ZBTB8A: variants seen among roughly 807,000 people sequenced by gnomAD.
ZBTB8A encodes zinc finger and BTB domain containing 8A, also known as zinc finger and BTB domain-containing protein 8A.
In ZBTB8A, 19 loss-of-function variants were observed where a neutral mutation model predicts 37.8. That is an observed-to-expected ratio of 0.50 (90% CI 0.35 to 0.74). ZBTB8A has a LOEUF of 0.74. Ranked by LOEUF, ZBTB8A falls within the 30% of genes least tolerant of loss-of-function variation. ZBTB8A has a pLI of 0.01. For synonymous variants in ZBTB8A, 181 were observed against 185.2 expected, an observed-to-expected ratio of 0.98 and a Z score of 0.19; for missense variants, 394 against 537.8, an observed-to-expected ratio of 0.73 and a Z score of 2.65.
chr1:32,549,492 CAAA>C (rs796747835), intron 1 of ZBTB8A, among the ~76,000 whole-genome samples: 2 of 110,258 alleles, frequency 1.8e-5, no homozygotes, highest in African/African-American at 3.2e-5. Context: ...AACTCCGTCT[CAAA>C]AAAAAAAAAA....
chr1:32,593,491 C>T lies in ZBTB8A; in HGVS notation c.560C>T (p.Pro187Leu), dbSNP rs1644505860. The change falls in exon 3 of 5, where the codon CCA (proline) becomes CTA (leucine). Residue 187 changes from proline to leucine, a missense_variant. Around this residue, in one of 4 missense-constraint regions of ZBTB8A, gnomAD observed 171 missense variants for 186.8 expected, o/e 0.92. Coordinates refer to ENST00000373510, the MANE Select transcript of ZBTB8A (RefSeq NM_001040441.3). ...GKSWNKYNYH[P>L]ASQKNTQQPL... Reference sequence around the variant, plus strand: ...TCTTGGAATAAGTATAATTATCATCCAGCCTCCCAGAAGAATACTCAACAA... The same window carrying T: ...TCTTGGAATAAGTATAATTATCATCTAGCCTCCCAGAAGAATACTCAACAA... 1 of 1,613,968 alleles carries T rather than the reference C, an allele frequency of 6.2e-7. No homozygotes were observed. Among genetic ancestry groups the T allele is most frequent in the African/African-American group, 1.3e-5 (1 of 74,926 alleles).
intron 2 of ZBTB8A, among the ~76,000 whole-genome samples, chr1:32,577,437 ACTGAGCCCTGCC>A (rs1644371059): frequency 6.7e-6 from 1 of 148,456 alleles, no homozygotes; most frequent in African/African-American, 2.5e-5. Flanking sequence ...GGCGTGAGCC[ACTGAGCCCTGCC>A]GTCAGTCTTT....
intron 2 of ZBTB8A, among the ~76,000 whole-genome samples, 174 bp from the exon 3 acceptor site, chr1:32,592,757 A>G (rs1335567663): frequency 6.6e-6 from 1 of 151,324 alleles, no homozygotes; most frequent in East Asian, 2.0e-4. Context: ...TCTCCCCCGC[A>G]TTGGCCTCCC....
chr1:32,570,013 A>G (rs943710985), intron 2 of ZBTB8A, among the ~76,000 whole-genome samples: 4 of 152,098 alleles, frequency 2.6e-5, no homozygotes, highest in Admixed American at 6.6e-5. Flanking sequence ...TTTAGCTTTT[A>G]CCATGATGTT....
intron 2 of ZBTB8A, among the ~76,000 whole-genome samples, chr1:32,573,131 C>T (rs1385048696): frequency 6.9e-6 from 1 of 144,740 alleles, no homozygotes; most frequent in Non-Finnish European, 1.5e-5. Flanking sequence ...AGTGCAGTGG[C>T]ATGATCTCAG....
Position 32,578,469 on chromosome 1 carries a change from T to C in ZBTB8A, c.-1-14462T>C, listed in dbSNP as rs567235239. Among the ~76,000 whole-genome samples the C allele has an allele frequency of 3.5e-4, 53 of 152,184 alleles. No individual in the cohort carries two copies. The South Asian group carries it at 6.0e-3, about 17-fold the overall frequency. ...CTCAAGTGATCCGCCCGCCTTGGCC[T>C]CCCAAAGTGCTGAGATTACAGACGT... On this transcript the variant is annotated intron_variant, in intron 2 of 4. Coordinates refer to ENST00000373510, the MANE Select transcript of ZBTB8A (RefSeq NM_001040441.3).
chr1:32,567,647 C>A (rs1644290417), intron 2 of ZBTB8A, among the ~76,000 whole-genome samples: 2 of 148,518 alleles, frequency 1.3e-5, no homozygotes, highest in African/African-American at 5.0e-5. Context: ...GAAATATTAT[C>A]CTGGTGTGAT....
chr1:32,600,269 T>C lies in ZBTB8A; in HGVS notation c.1176T>C (p.Asp392=). 1 of 1,614,148 alleles carries C rather than the reference T, an allele frequency of 6.2e-7. No homozygotes were observed. The highest frequency in any genetic ancestry group is 8.5e-7 in the Non-Finnish European group (1 of 1,180,018). ...EAEQHLMSPS[D]GDKDSRWHLS... Reference sequence around the variant, plus strand: ...AACAACATCTTATGTCCCCATCAGATGGAGATAAGGATTCCAGATGGCACT... The same window carrying C: ...AACAACATCTTATGTCCCCATCAGACGGAGATAAGGATTCCAGATGGCACT... The change falls in exon 5 of 5, where the codon GAT becomes GAC. Residue 392 remains aspartate, a synonymous_variant. Coordinates refer to ENST00000373510, the MANE Select transcript of ZBTB8A (RefSeq NM_001040441.3).
rs142591926 is a variant in ZBTB8A, at chr1:32,592,132, C to T, written c.-1-799C>T. 1.2e-3 allele frequency among the ~76,000 whole-genome samples: 184 copies of T among 152,266 alleles called. 1 individual carries two copies. Among genetic ancestry groups the T allele is most frequent in the African/African-American group, 4.3e-3 (179 of 41,560 alleles). On this transcript the variant is annotated intron_variant, in intron 2 of 4. Coordinates refer to ENST00000373510, the MANE Select transcript of ZBTB8A (RefSeq NM_001040441.3). ...CTGGGATTATAGGCGTGAGCCACCACGCCTGGCTGATAACAGTCTAGTATT... is the reference window on the plus strand; with the variant it reads ...CTGGGATTATAGGCGTGAGCCACCATGCCTGGCTGATAACAGTCTAGTATT...
intron 1 of ZBTB8A, among the ~76,000 whole-genome samples, chr1:32,543,105 C>CG (rs1322299155): frequency 2.6e-5 from 4 of 151,668 alleles, no homozygotes; most frequent in African/African-American, 9.7e-5. Context: ...TTTTTTGAGA[C>CG]GGAGTTTCAC....
chr1:32,587,207 C>T (rs148187029), intron 2 of ZBTB8A, among the ~76,000 whole-genome samples: 2,117 of 152,122 alleles, frequency 0.014, 62 homozygotes, highest in African/African-American at 0.045. Context: ...CCACTGCACT[C>T]CAACCTGGGC....
intron 2 of ZBTB8A, among the ~76,000 whole-genome samples, chr1:32,558,438 A>AACACACACACACAC (rs35047367): frequency 2.6e-3 from 386 of 145,758 alleles, no homozygotes; most frequent in Non-Finnish European, 4.7e-3. Flanking sequence ...CTAAGTATTA[A>AACACACACACACAC]ACACACACAC....
chr1:32,555,186 G>A (rs538903339), intron 2 of ZBTB8A, among the ~76,000 whole-genome samples: 24 of 152,182 alleles, frequency 1.6e-4, no homozygotes, highest in African/African-American at 5.5e-4. Context: ...TCAGGAGATC[G>A]AGACCATCCT....
At chr1:32,595,333 T>A in intron 4 of ZBTB8A, 110 bp downstream of exon 4, 2 of 1,103,364 alleles carry the variant, frequency 1.8e-6, no homozygotes, top group Non-Finnish European at 2.6e-6. Flanking sequence ...AATGGTGTAA[T>A]CTCAGCTCGC....
chr1:32,595,176 G>C lies in ZBTB8A; in HGVS notation c.946G>C (p.Gly316Arg), dbSNP rs1173782194. Residue 316 changes from glycine to arginine, a missense_variant, in exon 4 of 5, where the codon GGA becomes CGA. By Grantham distance (125) the Gly-to-Arg change is moderately radical. This residue lies in a region of ZBTB8A where 42 missense variants were observed against 96.4 expected (regional missense o/e 0.44). Coordinates refer to ENST00000373510, the MANE Select transcript of ZBTB8A (RefSeq NM_001040441.3). Reference protein sequence around the residue: ...GERPYPCQACGKRFSRLDHLS... With the variant: ...GERPYPCQACRKRFSRLDHLS... ...AAGGCCCTATCCATGTCAAGCTTGT[G>C]GAAAAAGATTTAGCAGGCTAGACCA... 1.2e-6 allele frequency: 2 copies of C among 1,614,026 alleles called. No individual in the cohort carries two copies. Among genetic ancestry groups the C allele is most frequent in the East Asian group, 2.2e-5 (1 of 44,894 alleles).
Position 32,565,287 on chromosome 1 carries a change from T to C in ZBTB8A, c.-2+11747T>C, listed in dbSNP as rs541983178. ...GCTGCAGTGAGCCGTGATCATGCCA[T>C]TGCACTCCAGGCTGGGCGACAGGGC... On this transcript the variant is annotated intron_variant, in intron 2 of 4. Coordinates refer to ENST00000373510, the MANE Select transcript of ZBTB8A (RefSeq NM_001040441.3). Among the ~76,000 whole-genome samples the C allele has an allele frequency of 8.6e-5, 13 of 151,998 alleles. No homozygotes were observed. In the East Asian group the frequency reaches 2.3e-3, roughly 27 times the overall value.
intron 2 of ZBTB8A, among the ~76,000 whole-genome samples, chr1:32,589,557 T>C (rs772288121): frequency 3.7e-5 from 5 of 133,762 alleles, no homozygotes; most frequent in Admixed American, 7.7e-5. Context: ...AGCCTGTTTG[T>C]TTGTTTGTTT....
chr1:32,561,252 G>C (rs1644242073), intron 2 of ZBTB8A, among the ~76,000 whole-genome samples: 1 of 152,088 alleles, frequency 6.6e-6, no homozygotes, highest in Non-Finnish European at 1.5e-5. Context: ...CTTCTGCCTA[G>C]AATGCTTTTC....
chr1:32,577,430 G>GT lies in ZBTB8A; in HGVS notation c.-1-15500dup, dbSNP rs558065849. Among the ~76,000 whole-genome samples, 373 of 150,510 alleles carry GT rather than the reference G, an allele frequency of 2.5e-3. 1 individual carries two copies. The highest frequency in any genetic ancestry group is 8.8e-3 in the African/African-American group (362 of 41,076). On this transcript the variant is annotated intron_variant, in intron 2 of 4. Coordinates refer to ENST00000373510, the MANE Select transcript of ZBTB8A (RefSeq NM_001040441.3). The stretch of plus-strand genomic sequence containing the variant: ...CTTCCAAAGTGCTGGGATTACAGGC[G>GT]TGAGCCACTGAGCCCTGCCGTCAGT...
Sources: allele counts gnomAD v4.1 joint callset (sites outside exome capture counted in the v4.1 genomes callset), GRCh38; gene constraint gnomAD v4.1.1; regional missense constraint gnomAD v4.1.1; transcripts MANE v1.5; gene names NCBI Gene and HGNC (gene_info 2026-07-23, HGNC 2026-07-21).